Variants in PLA2R1 observed in about 807,000 individuals in gnomAD.
PLA2R1 encodes the protein secretory phospholipase A2 receptor.
PLA2R1 carries 158 observed loss-of-function variants against 195.9 expected under a neutral mutation model. That is an observed-to-expected ratio of 0.81 (90% CI 0.71 to 0.92). The LOEUF (loss-of-function observed/expected upper bound fraction) is 0.92, where lower values mean the gene tolerates loss of function less well. PLA2R1 is among the 40% of genes least tolerant of loss of function. The pLI is 0.00. For synonymous variants in PLA2R1, 586 were observed against 598.2 expected, an observed-to-expected ratio of 0.98 and a Z score of 0.30; for missense variants, 1,626 against 1,764.6, an observed-to-expected ratio of 0.92 and a Z score of 1.41.
intron 13 of PLA2R1, among the ~76,000 whole-genome samples, chr2:159,983,687 A>T (rs1690127936): frequency 6.6e-6 from 1 of 152,100 alleles, no homozygotes; most frequent in Non-Finnish European, 1.5e-5. Context: ...TACAGTTCTG[A>T]CTTGAGGCAC....
intron 11 of PLA2R1, among the ~76,000 whole-genome samples, chr2:159,992,232 T>C (rs1176848309): frequency 6.6e-6 from 1 of 152,060 alleles, no homozygotes; most frequent in Non-Finnish European, 1.5e-5. Context: ...TGAGCATTTT[T>C]TCATGTGTTT....
intron 1 of PLA2R1, among the ~76,000 whole-genome samples, chr2:160,052,876 T>C (rs1410162479): frequency 1.3e-5 from 2 of 152,150 alleles, no homozygotes; most frequent in Admixed American, 1.3e-4. Flanking sequence ...AGTATGCCCA[T>C]TAAAAGAAAA....
rs1236647596 is a variant in PLA2R1 at position 159,991,725 on chromosome 2, G to A, written c.1835-4367C>T. ...GAGAATATTCGGTGTTTGGTTTTTTGTTCTTGCGATAGTTTACTGAGAATG... is the reference window on the plus strand; with the variant it reads ...GAGAATATTCGGTGTTTGGTTTTTTATTCTTGCGATAGTTTACTGAGAATG... On this transcript the variant is annotated intron_variant, in intron 11 of 29. Coordinates refer to ENST00000283243, the MANE Select transcript of PLA2R1 (RefSeq NM_007366.5). Among the ~76,000 whole-genome samples the A allele has an allele frequency of 4.2e-5, 6 of 143,218 alleles. No homozygotes were observed. In the East Asian group the frequency reaches 1.0e-3, roughly 25 times the overall value. The allele number at this position is 143,218 out of a possible 152,430, so 94.0% of individuals were successfully genotyped here.
rs1028426985 is a variant in PLA2R1, at chr2:159,947,042, A to G, written c.3851-125T>C. 9.2e-6 allele frequency: 6 copies of G among 654,962 alleles called. No individual in the cohort carries two copies. The African/African-American group carries it at 1.2e-4, about 13-fold the overall frequency. 40.6% of individuals were successfully genotyped at this position (654,962 alleles called of 1,614,324 possible). A position where few individuals can be genotyped will look rare whatever the true frequency, so the allele number is the denominator to read the frequency against. ...AAAGTGAAAATTTCCATTATAAAGAAGAGACTTTAAATTAAAAAAGTAAAA... is the reference window on the plus strand; with the variant it reads ...AAAGTGAAAATTTCCATTATAAAGAGGAGACTTTAAATTAAAAAAGTAAAA... On this transcript the variant is annotated intron_variant, in intron 26 of 29. Coordinates refer to ENST00000283243, the MANE Select transcript of PLA2R1 (RefSeq NM_007366.5).
rs372171042 is a variant in PLA2R1, at chr2:159,942,111, A to G, written c.4177+16T>C. The G allele has an allele frequency of 2.1e-5, 33 of 1,607,134 alleles. No individual in the cohort carries two copies. The highest frequency in any genetic ancestry group is 3.3e-4 in the Middle Eastern group (2 of 6,054). ...TCTAAGAAAAATCAAAATGTTTTGT[A>G]TGGTTTCAAACGTACCTTTTTCTGG... On this transcript the variant is annotated intron_variant, in intron 29 of 29. Coordinates refer to ENST00000283243, the MANE Select transcript of PLA2R1 (RefSeq NM_007366.5).
At chr2:159,997,241 C>T (rs1205797865) in intron 11 of PLA2R1, among the ~76,000 whole-genome samples, 1 of 152,116 alleles carries the variant, frequency 6.6e-6, no homozygotes, top group African/African-American at 2.4e-5. Flanking sequence ...TGTTCCTGGA[C>T]TGCACCCTTG....
chr2:160,034,162 A>G (rs1694030764), intron 3 of PLA2R1, among the ~76,000 whole-genome samples: 1 of 152,240 alleles, frequency 6.6e-6, no homozygotes, highest in Non-Finnish European at 1.5e-5. Flanking sequence ...TTATTTGACA[A>G]TAAAATCTTT....
At chr2:160,005,146 G>A (rs941255129) in intron 11 of PLA2R1, among the ~76,000 whole-genome samples, 2 of 152,128 alleles carry the variant, frequency 1.3e-5, no homozygotes, top group African/African-American at 4.8e-5. Flanking sequence ...TGACTCATAC[G>A]GATTATACTT....
intron 11 of PLA2R1, among the ~76,000 whole-genome samples, chr2:159,999,089 T>C (rs1368855210): frequency 6.6e-6 from 1 of 152,090 alleles, no homozygotes; most frequent in Non-Finnish European, 1.5e-5. Context: ...CCTAGTCTTG[T>C]TTTGCTCTTT....
intron 12 of PLA2R1, among the ~76,000 whole-genome samples, chr2:159,986,555 T>C (rs1401570482): frequency 6.6e-6 from 1 of 151,892 alleles, no homozygotes; most frequent in Non-Finnish European, 1.5e-5. Context: ...TCCTTCCAGG[T>C]ATTAATATTA....
intron 17 of PLA2R1, among the ~76,000 whole-genome samples, chr2:159,975,706 C>T (rs1207124347): frequency 6.6e-6 from 1 of 151,946 alleles, no homozygotes; most frequent in Non-Finnish European, 1.5e-5. Flanking sequence ...AATATAAACT[C>T]CATGAAGATA....
Position 159,938,168 on chromosome 2 carries a change from A to C in PLA2R1, c.*3610T>G, listed in dbSNP as rs528711756. ...AGGACTTTTGACTTAGAGGATTTCAACAGCCTGTGGAAGCTCCATAATGAA... is the reference window on the plus strand; with the variant it reads ...AGGACTTTTGACTTAGAGGATTTCACCAGCCTGTGGAAGCTCCATAATGAA... On this transcript the variant is annotated 3_prime_UTR_variant, in exon 30 of 30. Coordinates refer to ENST00000283243, the MANE Select transcript of PLA2R1 (RefSeq NM_007366.5). 6.6e-6 allele frequency: 1 copy of C among 152,242 alleles called. No individual in the cohort carries two copies. The highest frequency in any genetic ancestry group is 1.9e-4 in the East Asian group (1 of 5,196). 9.4% of individuals were successfully genotyped at this position (152,242 alleles called of 1,614,324 possible). A position where few individuals can be genotyped will look rare whatever the true frequency, so the allele number is the denominator to read the frequency against.
chr2:160,017,061 A>G (rs1396536816), intron 8 of PLA2R1, among the ~76,000 whole-genome samples: 1 of 152,206 alleles, frequency 6.6e-6, no homozygotes, highest in East Asian at 1.9e-4. Flanking sequence ...TTCCCATTTT[A>G]AAGGTTAGAG....
intron 10 of PLA2R1, among the ~76,000 whole-genome samples, chr2:160,009,772 C>A (rs1281868223): frequency 6.6e-6 from 1 of 152,054 alleles, no homozygotes; most frequent in African/African-American, 2.4e-5. Flanking sequence ...ATGACAGTTG[C>A]AGGAAAACGG....
At chr2:159,945,950 C>A (rs1687360536) in intron 27 of PLA2R1, 1 of 923,136 alleles carries the variant, frequency 1.1e-6, no homozygotes. Context: ...ATTTGATAAA[C>A]AAAACTAATC....
At chr2:159,942,100 A>G in intron 29 of PLA2R1, 27 bp downstream of exon 29, 1 of 1,604,670 alleles carries the variant, frequency 6.2e-7, no homozygotes, top group Non-Finnish European at 8.5e-7. Context: ...AGAAAAATCA[A>G]AATGTTTTGT....
rs535272649 is a variant in PLA2R1 at position 159,965,299 on chromosome 2, T to C, written c.2904+2240A>G. 8.7e-4 allele frequency among the ~76,000 whole-genome samples: 133 copies of C among 152,300 alleles called. 1 individual carries two copies. The highest frequency in any genetic ancestry group is 3.4e-3 in the Middle Eastern group (1 of 294). On this transcript the variant is annotated intron_variant, in intron 20 of 29. Coordinates refer to ENST00000283243, the MANE Select transcript of PLA2R1 (RefSeq NM_007366.5). ...CACTGCCCTAAGAATCTTCCACAACTTCATCCTTCCCTCCCTGCAACACCT... is the reference window on the plus strand; with the variant it reads ...CACTGCCCTAAGAATCTTCCACAACCTCATCCTTCCCTCCCTGCAACACCT...
At chr2:159,989,272 G>A (rs73967972) in intron 11 of PLA2R1, among the ~76,000 whole-genome samples, 2 of 152,140 alleles carry the variant, frequency 1.3e-5, no homozygotes, top group African/African-American at 4.8e-5. Context: ...AATAATTTCA[G>A]AATGCAGCTC....
chr2:159,943,834 G>A (rs1687228092), intron 28 of PLA2R1, among the ~76,000 whole-genome samples: 1 of 148,272 alleles, frequency 6.7e-6, no homozygotes, highest in African/African-American at 2.5e-5. Context: ...ACACAGAGTT[G>A]AGACTCACAC....
Sources: gnomAD v4.1 joint callset for allele counts (sites outside exome capture counted in the v4.1 genomes callset) on GRCh38, gnomAD v4.1.1 for gene constraint, MANE v1.5 for transcripts, NCBI Gene and HGNC (gene_info 2026-07-23, HGNC 2026-07-21) for gene names.